The following HPSE2 variants were observed in gnomAD, a reference collection of about 807,000 sequenced individuals.
The protein encoded by HPSE2 is inactive heparanase-2.
A neutral mutation model predicts 60.5 loss-of-function variants in HPSE2; 38 were observed. That is an observed-to-expected ratio of 0.63 (90% CI 0.48 to 0.82). The LOEUF is 0.82. Ranked by LOEUF, HPSE2 falls within the 40% of genes least tolerant of loss-of-function variation. HPSE2 has a pLI of 0.00. For synonymous variants in HPSE2, 295 were observed against 293.2 expected, an observed-to-expected ratio of 1.01 and a Z score of -0.06; for missense variants, 713 against 740.4, an observed-to-expected ratio of 0.96 and a Z score of 0.43.
At chr10:99,227,395 C>G (rs1350700055) in intron 2 of HPSE2, among the ~76,000 whole-genome samples, 1 of 151,986 alleles carries the variant, frequency 6.6e-6, no homozygotes, top group African/African-American at 2.4e-5. Context: ...AAGGTAGAAA[C>G]AGATACAATT....
intron 2 of HPSE2, among the ~76,000 whole-genome samples, chr10:99,165,548 T>TTTAC (rs1847044220): frequency 6.6e-6 from 1 of 150,698 alleles, no homozygotes; most frequent in Admixed American, 6.7e-5. Flanking sequence ...TATTTATTTA[T>TTTAC]TTATTTATTT....
chr10:99,121,151 T>G (rs907270854), intron 3 of HPSE2, among the ~76,000 whole-genome samples: 8 of 152,210 alleles, frequency 5.3e-5, no homozygotes, highest in Non-Finnish European at 8.8e-5. Context: ...GGGACATGGA[T>G]GGAGCTGGAG....
chr10:98,596,323 T>G (rs1480399282), intron 9 of HPSE2, among the ~76,000 whole-genome samples: 1 of 125,426 alleles, frequency 8.0e-6, no homozygotes, highest in South Asian at 2.7e-4. Context: ...TTGTTGCTAT[T>G]GTTATTTTTA....
intron 9 of HPSE2, among the ~76,000 whole-genome samples, chr10:98,612,917 C>T (rs568120558): frequency 2.0e-5 from 3 of 152,248 alleles, no homozygotes; most frequent in Admixed American, 6.5e-5. Flanking sequence ...TCATTTCCAA[C>T]CTCTCCCCCT....
chr10:99,061,203 G>A (rs1314817160), intron 3 of HPSE2, among the ~76,000 whole-genome samples: 1 of 152,110 alleles, frequency 6.6e-6, no homozygotes, highest in Non-Finnish European at 1.5e-5. Context: ...CTGCAGAAAA[G>A]AAATCCAGAT....
chr10:98,690,170 C>T (rs929429081), intron 6 of HPSE2, among the ~76,000 whole-genome samples: 2 of 152,308 alleles, frequency 1.3e-5, no homozygotes, highest in African/African-American at 4.8e-5. Flanking sequence ...GACTCCTTCT[C>T]CTTGACACTT....
At chr10:99,072,647 C>T (rs780087031) in intron 3 of HPSE2, among the ~76,000 whole-genome samples, 8 of 152,020 alleles carry the variant, frequency 5.3e-5, no homozygotes, top group East Asian at 1.9e-4. Context: ...AAAAGTCAGC[C>T]GGGCATGGCG....
chr10:98,938,578 G>A (rs1954884412), intron 3 of HPSE2, among the ~76,000 whole-genome samples: 1 of 143,960 alleles, frequency 6.9e-6, no homozygotes, highest in Non-Finnish European at 1.5e-5. Context: ...AGTAATATGG[G>A]ACTATGTGAA....
intron 9 of HPSE2, among the ~76,000 whole-genome samples, chr10:98,606,632 A>G (rs193012946): frequency 1.1e-4 from 17 of 152,384 alleles, no homozygotes; most frequent in African/African-American, 3.8e-4. Context: ...GCTTAAAACC[A>G]AATCAAGGAT....
intron 11 of HPSE2, among the ~76,000 whole-genome samples, chr10:98,476,801 G>A (rs1403024189): frequency 6.6e-6 from 1 of 151,900 alleles, no homozygotes; most frequent in Non-Finnish European, 1.5e-5. Context: ...AAAAAAAGGG[G>A]CGGGACGGTC....
At chr10:99,073,436 G>A (rs1842861421) in intron 3 of HPSE2, among the ~76,000 whole-genome samples, 1 of 152,050 alleles carries the variant, frequency 6.6e-6, no homozygotes, top group Admixed American at 6.6e-5. Flanking sequence ...GAGAACACAT[G>A]GACACAGGGA....
intron 11 of HPSE2, among the ~76,000 whole-genome samples, chr10:98,467,026 T>C (rs1313271128): frequency 6.6e-6 from 1 of 152,126 alleles, no homozygotes; most frequent in Non-Finnish European, 1.5e-5. Context: ...ATTTATCTAA[T>C]CGCGGCCTAA....
intron 3 of HPSE2, among the ~76,000 whole-genome samples, chr10:98,771,860 A>G (rs1240253185): frequency 1.3e-5 from 2 of 152,190 alleles, no homozygotes; most frequent in African/African-American, 4.8e-5. Flanking sequence ...GCCCTGGCAG[A>G]TGGTAAAGAC....
intron 2 of HPSE2, among the ~76,000 whole-genome samples, chr10:99,156,778 G>A (rs1178169920): frequency 2.4e-5 from 3 of 122,970 alleles, no homozygotes; most frequent in African/African-American, 7.8e-5. Context: ...AGGAAATAAA[G>A]GGTATTCAAT....
At chr10:98,936,499 T>C (rs1954794709) in intron 3 of HPSE2, among the ~76,000 whole-genome samples, 1 of 142,978 alleles carries the variant, frequency 7.0e-6, no homozygotes, top group African/African-American at 2.9e-5. Context: ...CCCCAGTGGG[T>C]AGCACAGTCC....
At chr10:98,981,376 G>C (rs1956201577) in intron 3 of HPSE2, among the ~76,000 whole-genome samples, 1 of 152,112 alleles carries the variant, frequency 6.6e-6, no homozygotes, top group East Asian at 1.9e-4. Flanking sequence ...TATGGCTTTG[G>C]AGTTTAACTC....
intron 3 of HPSE2, among the ~76,000 whole-genome samples, chr10:98,952,345 TG>T (rs1955386969): frequency 1.3e-5 from 2 of 151,440 alleles, no homozygotes; most frequent in African/African-American, 2.4e-5. Flanking sequence ...TGTGTGTGTG[TG>T]TGTGTGTGTG....
At chr10:99,119,788 G>A (rs1212387220) in intron 3 of HPSE2, among the ~76,000 whole-genome samples, 3 of 152,066 alleles carry the variant, frequency 2.0e-5, no homozygotes, top group African/African-American at 7.2e-5. Context: ...CAGAAATAAG[G>A]CTGCACATCT....
the HPSE2 span, among the ~76,000 whole-genome samples, chr10:99,304,280 A>G: frequency 6.6e-6 from 1 of 152,210 alleles, no homozygotes; most frequent in African/African-American, 2.4e-5. Flanking sequence ...TGACCCAGTG[A>G]GCCAAAAGTT....
Sources: allele counts gnomAD v4.1 joint callset (sites outside exome capture counted in the v4.1 genomes callset), GRCh38; gene constraint gnomAD v4.1.1; transcripts MANE v1.5; gene names NCBI Gene and HGNC (gene_info 2026-07-23, HGNC 2026-07-21).